Variants in WDR17 observed in about 807,000 individuals in gnomAD.
WDR17 encodes WD repeat-containing protein 17.
A neutral mutation model predicts 161.7 loss-of-function variants in WDR17; 143 were observed. The ratio of observed to expected loss-of-function variants is 0.88; its 90% CI spans 0.77 to 1.02. The LOEUF (loss-of-function observed/expected upper bound fraction) is 1.02. WDR17 is among the 50% of genes least tolerant of loss of function. WDR17 has a pLI of 0.00. For synonymous variants in WDR17, 517 were observed against 515.6 expected (o/e 1.00, Z -0.04); for missense variants, 1,469 against 1,520.9 (o/e 0.97, Z 0.57).
intron 23 of WDR17, among the ~76,000 whole-genome samples, chr4:176,170,847 C>T (rs1750632488): frequency 6.6e-6 from 1 of 152,174 alleles, no homozygotes; most frequent in Admixed American, 6.5e-5. Context: ...AGATGCTCCT[C>T]GACTTACCAT....
intron 4 of WDR17, among the ~76,000 whole-genome samples, chr4:176,120,376 T>C (rs185070042): frequency 2.6e-3 from 387 of 150,534 alleles, no homozygotes; most frequent in Non-Finnish European, 4.4e-3. Context: ...ATCAGTCATT[T>C]TTCCCTTATT....
At position 176,162,188 on chromosome 4, in the gene WDR17, A is replaced by G; in HGVS notation, c.2850+14A>G. ...GATAATATTGAGGTACGACATTTAA[A>G]ACTGGTTTATGTGAATGAAAAGTTT... On this transcript the variant is annotated intron_variant, in intron 21 of 28. Transcript: ENST00000508596. The G allele has an allele frequency of 1.2e-6, 2 of 1,608,188 alleles. No homozygotes were observed. The highest frequency in any genetic ancestry group is 2.2e-5 in the South Asian group (2 of 89,968).
intron 23 of WDR17, 140 bp downstream of exon 23, chr4:176,168,923 T>C (rs1750289190): frequency 2.3e-6 from 2 of 866,436 alleles, no homozygotes; most frequent in Admixed American, 3.0e-5. Context: ...ACAAAAGTGT[T>C]GTACAATAGG....
At chr4:176,089,923 G>A (rs1015091075) in intron 1 of WDR17, among the ~76,000 whole-genome samples, 2 of 152,078 alleles carry the variant, frequency 1.3e-5, no homozygotes, top group Non-Finnish European at 2.9e-5. Context: ...AAATGAAGGT[G>A]TTCCATTTAT....
chr4:176,172,570 G>A (rs1337654924), intron 24 of WDR17, 54 bp downstream of exon 24: 2 of 1,413,338 alleles, frequency 1.4e-6, no homozygotes, highest in African/African-American at 1.5e-5. Flanking sequence ...TTTGATCGTT[G>A]TTTTCATACT....
At chr4:176,130,942 GATATTTATGTA>G (rs1268593865) in intron 6 of WDR17, among the ~76,000 whole-genome samples, 3 of 151,936 alleles carry the variant, frequency 2.0e-5, no homozygotes, top group Non-Finnish European at 4.4e-5. Flanking sequence ...TAATCACAGT[GATATTTATGTA>G]ATTGAAAGTA....
chr4:176,112,446 T>C (rs1038189394), intron 2 of WDR17, among the ~76,000 whole-genome samples: 1 of 152,222 alleles, frequency 6.6e-6, no homozygotes, highest in African/African-American at 2.4e-5. Flanking sequence ...AATAGTAACA[T>C]CTAAACTTCA....
At position 176,137,579 on chromosome 4, in the gene WDR17, C is replaced by A. The variant is rs1220935848; in HGVS notation, c.1327C>A (p.Gln443Lys). ...AAATGGTGCTTTTATTTGGAATGTT[C>A]AAAAGGGCAAAATTATACAACGATT... ...SRNGAFIWNVQKGKIIQRFNE... is the reference protein window; with the variant it reads ...SRNGAFIWNVKKGKIIQRFNE... The change falls in exon 9 of 29, where the codon CAA (glutamine) becomes AAA (lysine). Residue 443 changes from glutamine to lysine, a missense_variant. Transcript: ENST00000508596. 1 of 1,597,080 alleles carries A rather than the reference C, an allele frequency of 6.3e-7. No individual in the cohort carries two copies. The highest frequency in any genetic ancestry group is 8.5e-7 in the Non-Finnish European group (1 of 1,169,640).
intron 18 of WDR17, among the ~76,000 whole-genome samples, chr4:176,157,908 G>A (rs1748413825): frequency 6.6e-6 from 1 of 152,168 alleles, no homozygotes; most frequent in Non-Finnish European, 1.5e-5. Flanking sequence ...ATAACCAAGT[G>A]AAGAGGCTAG....
chr4:176,157,282 CAG>C (rs1393456720), intron 18 of WDR17, among the ~76,000 whole-genome samples: 19 of 152,250 alleles, frequency 1.2e-4, no homozygotes, highest in African/African-American at 4.6e-4. Context: ...ACATTAAAAA[CAG>C]AAATTTGGAT....
At chr4:176,144,084 C>T (rs775116756) in intron 11 of WDR17, among the ~76,000 whole-genome samples, 1 of 152,092 alleles carries the variant, frequency 6.6e-6, no homozygotes, top group Non-Finnish European at 1.5e-5. Flanking sequence ...ATCTGATTTT[C>T]ACCCCAAGGT....
intron 13 of WDR17, among the ~76,000 whole-genome samples, chr4:176,149,442 G>A (rs1460244916): frequency 1.3e-5 from 2 of 151,828 alleles, no homozygotes; most frequent in Admixed American, 6.6e-5. Context: ...GCTAATTTCT[G>A]TATTTTTGGT....
chr4:176,128,528 G>A (rs565702593), intron 5 of WDR17, among the ~76,000 whole-genome samples: 2 of 152,048 alleles, frequency 1.3e-5, no homozygotes, highest in South Asian at 2.1e-4. Context: ...AAAGGTTTTG[G>A]AGCAAAAAAA....
intron 26 of WDR17, among the ~76,000 whole-genome samples, chr4:176,176,434 C>T (rs1751465584): frequency 6.6e-6 from 1 of 152,150 alleles, no homozygotes; most frequent in African/African-American, 2.4e-5. Flanking sequence ...CCTTTTTCCT[C>T]CTCTCCATCC....
chr4:176,099,334 C>T (rs1453323933), intron 1 of WDR17, among the ~76,000 whole-genome samples: 4 of 152,084 alleles, frequency 2.6e-5, no homozygotes, highest in Non-Finnish European at 4.4e-5. Context: ...GGCATCACTG[C>T]CAGAGTAAGA....
At chr4:176,119,385 A>T (rs1195741229) in intron 3 of WDR17, among the ~76,000 whole-genome samples, 1 of 152,154 alleles carries the variant, frequency 6.6e-6, no homozygotes, top group East Asian at 1.9e-4. Flanking sequence ...GACATAGATT[A>T]TAACATTAAG....
intron 26 of WDR17, among the ~76,000 whole-genome samples, chr4:176,175,733 A>G (rs915216481): frequency 6.8e-6 from 1 of 147,404 alleles, no homozygotes; most frequent in Non-Finnish European, 1.5e-5. Flanking sequence ...AATTTTTTGT[A>G]TTTTTCTAGT....
chr4:176,096,530 T>G, intron 1 of WDR17: 2 of 1,602,738 alleles, frequency 1.2e-6, no homozygotes, highest in Non-Finnish European at 8.5e-7. Context: ...ATGGCTTGGA[T>G]GACTTACATT....
At chr4:176,157,514 C>A (rs1001546105) in intron 18 of WDR17, among the ~76,000 whole-genome samples, 3 of 152,176 alleles carry the variant, frequency 2.0e-5, no homozygotes, top group Admixed American at 1.3e-4. Context: ...TTAAGAATCC[C>A]CAGTGCTGTA....
Sources: gnomAD v4.1 joint callset for allele counts (sites outside exome capture counted in the v4.1 genomes callset) on GRCh38, gnomAD v4.1.1 for gene constraint, MANE v1.5 for transcripts, NCBI Gene and HGNC (gene_info 2026-07-23, HGNC 2026-07-21) for gene names.